NELL2: variants seen among roughly 807,000 people sequenced by gnomAD.
NELL2 encodes the protein neural EGFL like 2.
Under a neutral mutation model 109.6 loss-of-function variants are expected in NELL2, and 41 were observed. The ratio of observed to expected loss-of-function variants is 0.37; its 90% CI spans 0.29 to 0.49. The LOEUF is 0.49. Among genes scored for constraint, NELL2 ranks in the 20% least tolerant of loss-of-function variants. The probability of loss-of-function intolerance (pLI) is 0.98; values close to 1 mark genes in which losing one functional copy is unlikely to be tolerated. For missense variants in NELL2, 900 were observed against 1,008.3 expected (o/e 0.89, Z 1.45); for synonymous variants, 355 against 344.7 (o/e 1.03, Z -0.33).
At chr12:44,637,370 C>T (rs556489741) in intron 13 of NELL2, among the ~76,000 whole-genome samples, 114 of 150,494 alleles carry the variant, frequency 7.6e-4, no homozygotes, top group Non-Finnish European at 1.3e-3. Flanking sequence ...AGGCACTATG[C>T]TACACGTTGG....
intron 13 of NELL2, among the ~76,000 whole-genome samples, chr12:44,644,616 A>C (rs1304659310): frequency 1.0e-5 from 1 of 96,284 alleles, no homozygotes; most frequent in East Asian, 3.9e-4. Flanking sequence ...ATGTATATAT[A>C]TATATATATA....
intron 13 of NELL2, among the ~76,000 whole-genome samples, chr12:44,641,041 C>T (rs945430979): frequency 2.6e-5 from 4 of 152,048 alleles, no homozygotes; most frequent in Non-Finnish European, 2.9e-5. Flanking sequence ...TGAGATGGAG[C>T]ATATGGCTAG....
intron 9 of NELL2, among the ~76,000 whole-genome samples, chr12:44,769,506 G>A (rs1941463335): frequency 6.6e-6 from 1 of 152,068 alleles, no homozygotes; most frequent in South Asian, 2.1e-4. Context: ...CTACCTTGTT[G>A]GTGAGAAAAT....
At chr12:44,824,212 T>C (rs1247208501) in intron 2 of NELL2, among the ~76,000 whole-genome samples, 1 of 152,246 alleles carries the variant, frequency 6.6e-6, no homozygotes, top group Non-Finnish European at 1.5e-5. Flanking sequence ...TTCCATTCTG[T>C]ACATTGTTTC....
chr12:44,820,728 CAG>C (rs1217287130), intron 2 of NELL2, among the ~76,000 whole-genome samples: 2 of 152,120 alleles, frequency 1.3e-5, no homozygotes, highest in South Asian at 4.1e-4. Flanking sequence ...TTTCCAGCTG[CAG>C]AGACTTAATG....
intron 5 of NELL2, among the ~76,000 whole-genome samples, chr12:44,779,084 C>T (rs1225782840): frequency 1.3e-5 from 2 of 152,152 alleles, no homozygotes; most frequent in Non-Finnish European, 2.9e-5. Flanking sequence ...TTTATTTCTT[C>T]ATCTTTAAAA....
At chr12:44,660,975 G>T (rs1947721543) in intron 13 of NELL2, among the ~76,000 whole-genome samples, 1 of 152,136 alleles carries the variant, frequency 6.6e-6, no homozygotes, top group East Asian at 1.9e-4. Context: ...ACTAGGGAAA[G>T]GCCATTTCCT....
chr12:44,714,705 C>T lies in NELL2; in HGVS notation c.1031G>A (p.Gly344Glu), dbSNP rs762396545. The T allele has an allele frequency of 1.2e-6, 2 of 1,603,130 alleles. No individual in the cohort carries two copies. Among genetic ancestry groups the T allele is most frequent in the South Asian group, 1.1e-5 (1 of 89,018 alleles). ...AGAGGAATAGACTGTATTTCTTTCT[C>T]CTTCAAAGTAGGTTCGTCCTTGAAA... ...CQFQGRTYFE[G>E]ERNTVYSSSG... The change falls in exon 10 of 20, where the codon GGA (glycine) becomes GAA (glutamate). Residue 344 changes from glycine (G) to glutamate (E), a missense_variant. This residue lies in a region of NELL2 where 292 missense variants were observed against 265.3 expected (regional missense o/e 1.10). Transcript: ENST00000429094.
At chr12:44,665,686 A>G (rs1364209855) in intron 12 of NELL2, 77 bp from the exon 13 acceptor site, 3 of 1,434,310 alleles carry the variant, frequency 2.1e-6, no homozygotes, top group African/African-American at 2.8e-5. Flanking sequence ...TTTGGTAGGG[A>G]GAGGGAAGTA....
chr12:44,767,260 T>C (rs779712467), intron 9 of NELL2, among the ~76,000 whole-genome samples: 21 of 152,168 alleles, frequency 1.4e-4, no homozygotes, highest in Non-Finnish European at 1.0e-4. Context: ...ATTGACTATT[T>C]CTCATTAAAA....
intron 2 of NELL2, among the ~76,000 whole-genome samples, chr12:44,868,676 A>T (rs2136827337): frequency 6.6e-6 from 1 of 152,286 alleles, no homozygotes; most frequent in East Asian, 1.9e-4. Flanking sequence ...TATATGTGGG[A>T]CCTTAAAAAG....
intron 1 of NELL2, among the ~76,000 whole-genome samples, chr12:44,900,439 G>T (rs369839071): frequency 1.1e-4 from 16 of 152,284 alleles, no homozygotes; most frequent in African/African-American, 3.6e-4. Context: ...AATGAAATTA[G>T]AACTCAGGAG....
intron 15 of NELL2, among the ~76,000 whole-genome samples, chr12:44,566,416 G>T (rs1054549299): frequency 5.9e-5 from 9 of 152,038 alleles, no homozygotes; most frequent in African/African-American, 1.7e-4. Flanking sequence ...AAATGGCATA[G>T]ACAGTAGGTT....
intron 15 of NELL2, among the ~76,000 whole-genome samples, chr12:44,598,883 A>ACACACACACACACACTCT (rs1265603008): frequency 1.8e-4 from 26 of 144,040 alleles, no homozygotes; most frequent in African/African-American, 6.2e-4. Context: ...ACACACACAC[A>ACACACACACACACACTCT]CTCTCTCTCT....
In NELL2 at chr12:44,617,392, GA is replaced by G. The variant is rs1290258601; in HGVS notation, c.1445-6423del. On this transcript the variant is annotated intron_variant, in intron 13 of 19. Transcript: ENST00000429094. ...AAAATGAGGAAATTAGGATCTCTAT[GA>G]AAAAGCAGTTGTGGCCGGGCGCGGT... Among the ~76,000 whole-genome samples the G allele has an allele frequency of 2.6e-5, 4 of 152,026 alleles. 1 individual carries two copies. The highest frequency in any genetic ancestry group is 2.0e-4 in the Admixed American group (3 of 15,278).
upstream of NELL2, chr12:44,876,813 C>T: frequency 7.4e-7 from 1 of 1,352,898 alleles, no homozygotes; most frequent in Non-Finnish European, 9.5e-7. Context: ...CCAAAACACG[C>T]TGCACTGCCG....
At chr12:44,670,903 T>C (rs1241842117) in intron 12 of NELL2, among the ~76,000 whole-genome samples, 1 of 151,898 alleles carries the variant, frequency 6.6e-6, no homozygotes, top group African/African-American at 2.4e-5. Flanking sequence ...AGACAGAAAA[T>C]CAACAAAGAA....
At chr12:44,697,388 C>T (rs774628494) in intron 12 of NELL2, among the ~76,000 whole-genome samples, 13 of 152,088 alleles carry the variant, frequency 8.5e-5, no homozygotes, top group African/African-American at 2.2e-4. Context: ...CATTTGGATA[C>T]GCCAATGAGT....
At chr12:44,840,730 AT>A (rs1265307278) in intron 2 of NELL2, among the ~76,000 whole-genome samples, 22 of 152,212 alleles carry the variant, frequency 1.4e-4, no homozygotes, top group Admixed American at 1.4e-3. Context: ...AACCACAGAA[AT>A]TTCAACCATT....
Sources: gnomAD v4.1 joint callset for allele counts (sites outside exome capture counted in the v4.1 genomes callset) on GRCh38, gnomAD v4.1.1 for gene constraint, gnomAD v4.1.1 regional missense constraint, MANE v1.5 for transcripts, NCBI Gene and HGNC (gene_info 2026-07-23, HGNC 2026-07-21) for gene names.